WDR64: variants seen among roughly 807,000 people sequenced by gnomAD.
WDR64 encodes the protein WD repeat-containing protein 64.
Under a neutral mutation model 139.3 loss-of-function variants are expected in WDR64, and 112 were observed. The ratio of observed to expected loss-of-function variants is 0.80; its 90% confidence interval spans 0.69 to 0.94. WDR64 has a LOEUF of 0.94. Among genes scored for constraint, WDR64 ranks in the 40% least tolerant of loss-of-function variants. The pLI, the probability that WDR64 is intolerant of heterozygous loss-of-function variation, is 0.00. For synonymous variants in WDR64, 444 were observed against 437.7 expected, an observed-to-expected ratio of 1.01 and a Z score of -0.18; for missense variants, 1,206 against 1,293.1, an observed-to-expected ratio of 0.93 and a Z score of 1.03.
intron 8 of WDR64, among the ~76,000 whole-genome samples, chr1:241,695,351 G>A (rs554289486): frequency 1.3e-5 from 2 of 152,190 alleles, no homozygotes; most frequent in Non-Finnish European, 2.9e-5. Context: ...GTTTAGAGAT[G>A]TCACATTGGT....
intron 8 of WDR64, among the ~76,000 whole-genome samples, chr1:241,691,511 G>A (rs1382268964): frequency 6.6e-6 from 1 of 152,122 alleles, no homozygotes; most frequent in East Asian, 1.9e-4. Context: ...GAAAACAGGA[G>A]TTACTATAAA....
intron 16 of WDR64, among the ~76,000 whole-genome samples, chr1:241,766,708 A>G (rs201163134): frequency 0.2 from 29,816 of 150,012 alleles, 3,376 homozygotes; most frequent in East Asian, 0.3. Flanking sequence ...CAGTATAAAA[A>G]AAAAAAAAAA....
At chr1:241,777,894 C>A (rs1658717905) in intron 21 of WDR64, among the ~76,000 whole-genome samples, 1 of 152,022 alleles carries the variant, frequency 6.6e-6, no homozygotes, top group South Asian at 2.1e-4. Flanking sequence ...TGTATGATGT[C>A]TCTTAAAGTT....
In WDR64 at chr1:241,796,255, A is replaced by G. The variant is rs529462476; in HGVS notation, c.3079-2A>G. On this transcript the variant is annotated splice_acceptor_variant, in intron 26 of 27. Transcript: ENST00000437684. LOFTEE classifies it high-confidence loss of function. Reference sequence around the variant, plus strand: ...TCTCACTGACTAATTTATGGCTTCCAGATATCAAGCCCCACTAGTCTAAGA... The same window carrying G: ...TCTCACTGACTAATTTATGGCTTCCGGATATCAAGCCCCACTAGTCTAAGA... The G allele has an allele frequency of 8.7e-6, 14 of 1,607,654 alleles. No individual in the cohort carries two copies. The Admixed American group carries it at 1.5e-4, about 17-fold the overall frequency.
At chr1:241,720,278 C>T (rs1668557362) in intron 9 of WDR64, among the ~76,000 whole-genome samples, 1 of 152,094 alleles carries the variant, frequency 6.6e-6, no homozygotes, top group Non-Finnish European at 1.5e-5. Flanking sequence ...AGCCATGTAT[C>T]TTTATAATAG....
intron 10 of WDR64, among the ~76,000 whole-genome samples, chr1:241,725,945 G>T (rs373740852): frequency 4.9e-4 from 75 of 152,256 alleles, no homozygotes; most frequent in African/African-American, 1.7e-3. Flanking sequence ...GACCTACTGG[G>T]CTCGAGGGAT....
At chr1:241,692,030 A>AT (rs1251805379) in intron 8 of WDR64, among the ~76,000 whole-genome samples, 14 of 147,030 alleles carry the variant, frequency 9.5e-5, no homozygotes, top group African/African-American at 3.5e-4. Flanking sequence ...TAAAAAAATA[A>AT]AAAAAAAAAA....
chr1:241,743,553 G>T (rs570555118), intron 12 of WDR64, among the ~76,000 whole-genome samples: 1 of 152,214 alleles, frequency 6.6e-6, no homozygotes, highest in African/African-American at 2.4e-5. Context: ...GAGGAAAGAT[G>T]AACTTTCTCA....
intron 4 of WDR64, chr1:241,676,375 C>T (rs115020777): frequency 6.6e-6 from 1 of 152,156 alleles, no homozygotes; most frequent in East Asian, 1.9e-4. Context: ...AAATATTGGC[C>T]ATTGCTATAA....
At chr1:241,774,226 A>G (rs1437286698) in intron 20 of WDR64, among the ~76,000 whole-genome samples, 1 of 152,234 alleles carries the variant, frequency 6.6e-6, no homozygotes, top group Non-Finnish European at 1.5e-5. Flanking sequence ...AATGGGATCC[A>G]ACAACACGGA....
Position 241,771,681 on chromosome 1 carries a change from T to C in WDR64, c.2274T>C (p.His758=), listed in dbSNP as rs1235370266. The part of the protein sequence containing the change: ...QSSKGSKQSI[H]DSEVKGEQTD... The stretch of plus-strand genomic sequence containing the variant: ...TTCAGGGAAGCAAGCAAAGCATACA[T>C]GACAGTGAGGTTAAAGGTCAGTATG... Residue 758 remains histidine (H), a synonymous_variant, in exon 19 of 28, where the codon CAT becomes CAC. Transcript: ENST00000437684. 3.6e-5 allele frequency: 54 copies of C among 1,502,750 alleles called. No homozygotes were observed. The highest frequency in any genetic ancestry group is 4.5e-5 in the Non-Finnish European group (51 of 1,123,472). The allele number at this position is 1,502,750 out of a possible 1,614,324, so 93.1% of individuals were successfully genotyped here.
chr1:241,657,063 C>T (rs779404379), intron 1 of WDR64, among the ~76,000 whole-genome samples: 80 of 152,076 alleles, frequency 5.3e-4, no homozygotes, highest in Non-Finnish European at 9.1e-4. Flanking sequence ...CCATATATTA[C>T]CATCTCCACT....
At chr1:241,757,216 A>T (rs754611727) in intron 14 of WDR64, 67 bp from the exon 15 acceptor site, 76 of 1,394,652 alleles carry the variant, frequency 5.4e-5, no homozygotes, top group Non-Finnish European at 7.0e-5. Flanking sequence ...TATTTTCTCT[A>T]TCTCTTTAAA....
intron 1 of WDR64, among the ~76,000 whole-genome samples, chr1:241,653,543 C>CT (rs33934176): frequency 0.5 from 68,822 of 136,956 alleles, 17,860 homozygotes; most frequent in Middle Eastern, 0.66. Context: ...CTTTTCTTTT[C>CT]TTTTTTTTTT....
At chr1:241,786,633 G>A (rs1375682915) in intron 23 of WDR64, among the ~76,000 whole-genome samples, 2 of 152,172 alleles carry the variant, frequency 1.3e-5, no homozygotes, top group Non-Finnish European at 2.9e-5. Flanking sequence ...AGGTTGAGGA[G>A]AATTTGATAA....
intron 8 of WDR64, 106 bp downstream of exon 8, chr1:241,687,701 G>A (rs915990500): frequency 3.0e-5 from 34 of 1,146,864 alleles, no homozygotes; most frequent in Non-Finnish European, 3.6e-5. Context: ...TAAAAAAATC[G>A]GACATTAACT....
chr1:241,776,074 AT>A (rs937473593), intron 21 of WDR64, among the ~76,000 whole-genome samples: 8 of 150,982 alleles, frequency 5.3e-5, no homozygotes, highest in African/African-American at 7.3e-5. Flanking sequence ...ATTTGTTTTA[AT>A]TTTTTTTTCT....
At chr1:241,655,141 T>C (rs1206678257) in intron 1 of WDR64, among the ~76,000 whole-genome samples, 13 of 152,166 alleles carry the variant, frequency 8.5e-5, no homozygotes, top group Non-Finnish European at 1.5e-5. Context: ...TCTCAGCACT[T>C]TGGGAGGCCA....
At chr1:241,685,057 C>T (rs1666954489) in intron 7 of WDR64, among the ~76,000 whole-genome samples, 1 of 151,596 alleles carries the variant, frequency 6.6e-6, no homozygotes, top group African/African-American at 2.4e-5. Flanking sequence ...GTGCCTGGCC[C>T]ACAGCATTAT....
Sources: gnomAD v4.1 joint callset for allele counts (sites outside exome capture counted in the v4.1 genomes callset) on GRCh38, gnomAD v4.1.1 for gene constraint, MANE v1.5 for transcripts, NCBI Gene and HGNC (gene_info 2026-07-23, HGNC 2026-07-21) for gene names.